TTYH3: variants seen among roughly 807,000 people sequenced by gnomAD.
TTYH3 encodes the protein tweety family member 3.
In TTYH3, 23 loss-of-function variants were observed where a neutral mutation model predicts 68.2. The observed-to-expected ratio is 0.34, with a 90% confidence interval of 0.24 to 0.48. The LOEUF (loss-of-function observed/expected upper bound fraction) is 0.48, where lower values mean the gene tolerates loss of function less well. Ranked by LOEUF, TTYH3 falls within the 20% of genes least tolerant of loss-of-function variation. The pLI is 0.99. For synonymous variants in TTYH3, 360 were observed against 332.8 expected (o/e 1.08, Z -0.89); for missense variants, 768 against 727.7 (o/e 1.06, Z -0.64).
chr7:2,636,157 C>T (rs1785651394), intron 1 of TTYH3, among the ~76,000 whole-genome samples: 1 of 152,190 alleles, frequency 6.6e-6, no homozygotes, highest in Non-Finnish European at 1.5e-5. Flanking sequence ...GTCTGTGCCG[C>T]CACAAGGTGA....
rs368400415 is a variant in TTYH3 at position 2,658,997 on chromosome 7, C to G, written c.1482C>G (p.Arg494=). 4 of 1,613,914 alleles carry G rather than the reference C, an allele frequency of 2.5e-6. No individual in the cohort carries two copies. In the South Asian group the frequency reaches 3.3e-5, roughly 13 times the overall value. ...PRCENTPLIG[R]ESPPPSYTSS... ...GTGAGAACACCCCACTCATTGGGCG[C>G]GAGTCCCCGCCGCCCTCAGTAAGTC... The change falls in exon 13 of 14, where the codon CGC becomes CGG. Residue 494 remains arginine, a synonymous_variant. Transcript: ENST00000258796.
chr7:2,651,222 G>T (rs1433849887), intron 7 of TTYH3, among the ~76,000 whole-genome samples: 1 of 152,156 alleles, frequency 6.6e-6, no homozygotes, highest in Non-Finnish European at 1.5e-5. Flanking sequence ...TCCCTGTGGG[G>T]GTGAGGGTTA....
At chr7:2,646,201 G>A (rs1416671921) in intron 1 of TTYH3, among the ~76,000 whole-genome samples, 1 of 152,210 alleles carries the variant, frequency 6.6e-6, no homozygotes, top group African/African-American at 2.4e-5. Context: ...TTTTAGTAGA[G>A]ATGGGGTTTC....
rs530269551 is a variant in TTYH3 at position 2,661,504 on chromosome 7, C to A, written c.1501-164C>A. On this transcript the variant is annotated intron_variant, in intron 13 of 13. Transcript: ENST00000258796. ...GAGCGCAGGGGCCCCCAGCCAGCGG[C>A]CCCTCCTTAGCCCCTCCCTATAGGC... 2.6e-5 allele frequency among the ~76,000 whole-genome samples: 4 copies of A among 152,244 alleles called. No homozygotes were observed. The South Asian group carries it at 8.3e-4, about 32-fold the overall frequency.
chr7:2,660,539 TGCCCCGTCCCGTCCAGTCCC>T (rs1786466840), intron 13 of TTYH3: 5 of 985,092 alleles, frequency 5.1e-6, no homozygotes, highest in Admixed American at 6.2e-5. Flanking sequence ...TCTGCGCGTC[TGCCCCGTCCCGTCCAGTCCC>T]GCCCCGTCCC....
chr7:2,660,173 GCT>G (rs1171142303), intron 13 of TTYH3: 5 of 1,162,748 alleles, frequency 4.3e-6, no homozygotes, highest in Non-Finnish European at 5.4e-6. Context: ...GGCAGGGCCA[GCT>G]CTGAGTGCCA....
intron 1 of TTYH3, among the ~76,000 whole-genome samples, chr7:2,633,278 A>G (rs1236074514): frequency 6.6e-6 from 1 of 152,134 alleles, no homozygotes; most frequent in East Asian, 1.9e-4. Flanking sequence ...TTTGCTTATC[A>G]AAATGGCTTG....
At chr7:2,657,409 TGTG>T (rs555866142) in intron 11 of TTYH3, among the ~76,000 whole-genome samples, 78 of 114,742 alleles carry the variant, frequency 6.8e-4, no homozygotes, top group Middle Eastern at 4.3e-3. Flanking sequence ...TGGTGGTGGT[TGTG>T]GTGGTGGTGA....
chr7:2,636,124 G>A (rs545259825), intron 1 of TTYH3, among the ~76,000 whole-genome samples: 1 of 152,326 alleles, frequency 6.6e-6, no homozygotes, highest in Admixed American at 6.5e-5. Flanking sequence ...TGGGAGCCTG[G>A]CTCCTAAGAG....
intron 2 of TTYH3, 28 bp from the exon 3 acceptor site, chr7:2,647,114 C>CCG: frequency 1.3e-6 from 2 of 1,571,198 alleles, no homozygotes; most frequent in African/African-American, 2.7e-5. Flanking sequence ...GTGGGCGGGG[C>CCG]TACATCTCAC....
At position 2,649,615 on chromosome 7, in the gene TTYH3, G is replaced by T; in HGVS notation, c.771G>T (p.Leu257=). The T allele has an allele frequency of 6.3e-7, 1 of 1,599,582 alleles. No individual in the cohort carries two copies. The highest frequency in any genetic ancestry group is 2.2e-5 in the East Asian group (1 of 44,638). The change falls in exon 6 of 14, where the codon CTG becomes CTT. Residue 257 remains leucine, a synonymous_variant. Transcript: ENST00000258796. ...VLALVISWGA[L]GLELAVSVGS... ...CCCTGGTCATCAGCTGGGGCGCGCT[G>T]GGCTTGGAGCTGGCTGTGTCCGTGG...
At chr7:2,639,030 G>C (rs1207467542) in intron 1 of TTYH3, among the ~76,000 whole-genome samples, 2 of 152,146 alleles carry the variant, frequency 1.3e-5, no homozygotes, top group East Asian at 3.9e-4. Flanking sequence ...ACACCTGGGG[G>C]GTTCTCACAG....
rs1249803981 is a variant in TTYH3, at chr7:2,645,726, A to T, written c.124-1127A>T. 2.1e-6 allele frequency: 1 copy of T among 466,502 alleles called. No individual in the cohort carries two copies. The highest frequency in any genetic ancestry group is 2.4e-5 in the Admixed American group (1 of 42,120). 28.9% of individuals were successfully genotyped at this position (466,502 alleles called of 1,614,324 possible). A position where few individuals can be genotyped will look rare whatever the true frequency, so the allele number is the denominator to read the frequency against. Reference sequence around the variant, plus strand: ...CAGCTTCTCGGTGCACAGACCCCAGACAGGATCAGACTCCTGATGGGGCCT... The same window carrying T: ...CAGCTTCTCGGTGCACAGACCCCAGTCAGGATCAGACTCCTGATGGGGCCT... On this transcript the variant is annotated intron_variant, in intron 1 of 13. Transcript: ENST00000258796. The surrounding 1 kb of genome is among the most constrained non-coding windows in gnomAD (Gnocchi z 4.8).
intron 1 of TTYH3, among the ~76,000 whole-genome samples, chr7:2,644,262 C>A (rs1373864108): frequency 6.6e-6 from 1 of 152,160 alleles, no homozygotes; most frequent in African/African-American, 2.4e-5. Context: ...GCAGTCACAG[C>A]CGGTGGGGTC....
chr7:2,656,351 C>G, intron 10 of TTYH3, 47 bp from the exon 11 acceptor site: 1 of 1,592,656 alleles, frequency 6.3e-7, no homozygotes, highest in Non-Finnish European at 8.6e-7. Flanking sequence ...GCTGCCCCCT[C>G]CACCCTCCCT....
intron 6 of TTYH3, 88 bp downstream of exon 6, chr7:2,649,727 A>G (rs1786109112): frequency 6.6e-7 from 1 of 1,513,352 alleles, no homozygotes; most frequent in Non-Finnish European, 9.0e-7. Flanking sequence ...CTCCCCTCCC[A>G]TCTTCCCGGG....
intron 1 of TTYH3, among the ~76,000 whole-genome samples, chr7:2,642,537 CAA>C (rs34165282): frequency 5.2e-5 from 3 of 57,530 alleles, no homozygotes; most frequent in African/African-American, 1.2e-4. Context: ...GACTCTGTCT[CAA>C]AAAAAAAAAA....
intron 13 of TTYH3, 56 bp from the exon 14 acceptor site, chr7:2,661,612 T>C (rs1174117961): frequency 1.7e-5 from 26 of 1,561,502 alleles, no homozygotes; most frequent in Non-Finnish European, 2.2e-5. Flanking sequence ...AAGGCGCCCC[T>C]GGCTGCGTGC....
intron 13 of TTYH3, among the ~76,000 whole-genome samples, chr7:2,660,821 G>A (rs1463436980): frequency 6.6e-6 from 1 of 152,168 alleles, no homozygotes; most frequent in Admixed American, 6.5e-5. Context: ...CACTGCCGCC[G>A]GCCCCTGACA....
Sources: gnomAD v4.1 joint callset for allele counts (sites outside exome capture counted in the v4.1 genomes callset) on GRCh38, gnomAD v4.1.1 for gene constraint, Gnocchi (gnomAD v3.1) non-coding constraint, MANE v1.5 for transcripts, NCBI Gene and HGNC (gene_info 2026-07-23, HGNC 2026-07-21) for gene names.